The following TRPC7 variants were observed in gnomAD, a reference collection of about 807,000 sequenced individuals.
TRPC7 encodes transient receptor potential cation channel subfamily C member 7.
In TRPC7, 42 loss-of-function variants were observed where a neutral mutation model predicts 90.1. The observed-to-expected ratio is 0.47, with a 90% confidence interval of 0.36 to 0.60. TRPC7 has a LOEUF of 0.60. Among genes scored for constraint, TRPC7 ranks in the 20% least tolerant of loss-of-function variants. TRPC7 has a pLI of 0.00. For missense variants in TRPC7, 955 were observed against 1,112.3 expected (o/e 0.86, Z 2.01); for synonymous variants, 451 against 436.3 (o/e 1.03, Z -0.42).
chr5:136,338,586 G>A, intron 2 of TRPC7, among the ~76,000 whole-genome samples: 1 of 152,196 alleles, frequency 6.6e-6, no homozygotes, highest in East Asian at 1.9e-4. Context: ...CCTATACTAT[G>A]TTTGAGCCTG....
chr5:136,213,305 A>G lies in TRPC7; in HGVS notation c.*130T>C. 1.1e-6 allele frequency: 1 copy of G among 921,668 alleles called. No homozygotes were observed. Among genetic ancestry groups the G allele is most frequent in the East Asian group, 2.6e-5 (1 of 37,900 alleles). The allele number at this position is 921,668 out of a possible 1,614,324, so 57.1% of individuals were successfully genotyped here. ...GGAGATGTCAGTCATGCTGCAAGAG[A>G]CTGAGCCAGGAGATCCCCTTCGTGT... On this transcript the variant is annotated 3_prime_UTR_variant, in exon 12 of 12. Coordinates refer to ENST00000513104, the MANE Select transcript of TRPC7 (RefSeq NM_020389.3).
intron 2 of TRPC7, among the ~76,000 whole-genome samples, chr5:136,348,835 G>A (rs910997507): frequency 6.6e-6 from 1 of 152,142 alleles, no homozygotes; most frequent in Non-Finnish European, 1.5e-5. Context: ...GGTGTGTGCA[G>A]CATACTTGAT....
At chr5:136,270,054 T>C (rs1172620870) in intron 4 of TRPC7, among the ~76,000 whole-genome samples, 1 of 152,200 alleles carries the variant, frequency 6.6e-6, no homozygotes, top group Non-Finnish European at 1.5e-5. Flanking sequence ...TCTAAAAAAG[T>C]CCTACCAACT....
At chr5:136,261,341 T>C (rs767679939) in intron 5 of TRPC7, among the ~76,000 whole-genome samples, 1 of 152,180 alleles carries the variant, frequency 6.6e-6, no homozygotes, top group African/African-American at 2.4e-5. Flanking sequence ...AGTAAAAAAT[T>C]GAGAAAATAG....
At chr5:136,220,082 G>C (rs760124833) in intron 10 of TRPC7, among the ~76,000 whole-genome samples, 2 of 152,166 alleles carry the variant, frequency 1.3e-5, no homozygotes, top group Non-Finnish European at 2.9e-5. Context: ...TCTTAATCCT[G>C]TTGTCTTTGT....
intron 10 of TRPC7, 95 bp from the exon 11 acceptor site, chr5:136,216,370 C>A: frequency 1.0e-6 from 1 of 983,950 alleles, no homozygotes; most frequent in Non-Finnish European, 1.6e-6. Context: ...CTTGAAGAGC[C>A]TCAGCAACCA....
chr5:136,283,260 G>T (rs1757602008), intron 3 of TRPC7, among the ~76,000 whole-genome samples: 1 of 152,224 alleles, frequency 6.6e-6, no homozygotes, highest in Non-Finnish European at 1.5e-5. Context: ...TGGGGTGTCT[G>T]CTTTCTTTGC....
At chr5:136,300,615 T>C (rs538676024) in intron 3 of TRPC7, among the ~76,000 whole-genome samples, 2 of 152,342 alleles carry the variant, frequency 1.3e-5, no homozygotes, top group East Asian at 3.9e-4. Flanking sequence ...AGAACTGGCA[T>C]TGGGGCTTTC....
intron 3 of TRPC7, among the ~76,000 whole-genome samples, chr5:136,315,391 G>T (rs1471277113): frequency 6.6e-6 from 1 of 152,124 alleles, no homozygotes; most frequent in Non-Finnish European, 1.5e-5. Context: ...CTCTCTCCTG[G>T]TGGGCTGGGG....
chr5:136,354,529 C>A (rs1760302231), intron 2 of TRPC7, among the ~76,000 whole-genome samples: 1 of 152,202 alleles, frequency 6.6e-6, no homozygotes, highest in Non-Finnish European at 1.5e-5. Flanking sequence ...CCTACAGAGG[C>A]TTCCATGGCC....
chr5:136,217,816 A>G (rs1359982163), intron 10 of TRPC7, among the ~76,000 whole-genome samples: 1 of 152,024 alleles, frequency 6.6e-6, no homozygotes, highest in Non-Finnish European at 1.5e-5. Context: ...CAGGAGTTCA[A>G]GACCAGCCTG....
chr5:136,354,249 T>A (rs143768651), intron 2 of TRPC7, among the ~76,000 whole-genome samples: 56 of 152,236 alleles, frequency 3.7e-4, no homozygotes, highest in Non-Finnish European at 6.3e-4. Flanking sequence ...TAGGTAAGGT[T>A]TACTGTACAG....
intron 3 of TRPC7, among the ~76,000 whole-genome samples, chr5:136,287,015 C>T (rs1757740817): frequency 6.6e-6 from 1 of 152,202 alleles, no homozygotes; most frequent in Non-Finnish European, 1.5e-5. Flanking sequence ...TTGTCAGACA[C>T]ACAAATCTGT....
chr5:136,312,972 C>CTTTTTTT (rs34840823), intron 3 of TRPC7, among the ~76,000 whole-genome samples: 16 of 97,048 alleles, frequency 1.6e-4, no homozygotes, highest in African/African-American at 4.6e-4. Context: ...AGTAGTGATT[C>CTTTTTTT]TTTTTTTTTT....
intron 2 of TRPC7, among the ~76,000 whole-genome samples, chr5:136,342,131 C>A (rs375860489): frequency 1.3e-4 from 20 of 152,132 alleles, no homozygotes; most frequent in Admixed American, 3.3e-4. Flanking sequence ...TTTTCACAGG[C>A]CTTTTAAGTG....
At position 136,315,931 on chromosome 5, in the gene TRPC7, T is replaced by A. The variant is rs2149839339; in HGVS notation, c.781-152A>T. ...ATGGAACGCAGCAGGATGTGCTGGG[T>A]GCAGAAGGCGGGGCAATTTCTCTTG... On this transcript the variant is annotated intron_variant, in intron 2 of 11. Transcript: ENST00000513104. 4 of 736,454 alleles carry A rather than the reference T, an allele frequency of 5.4e-6. No individual in the cohort carries two copies. The South Asian group carries it at 7.7e-5, about 14-fold the overall frequency. 45.6% of individuals were successfully genotyped at this position (736,454 alleles called of 1,614,324 possible). A position where few individuals can be genotyped will look rare whatever the true frequency, so the allele number is the denominator to read the frequency against.
chr5:136,238,955 A>G (rs1756075277), intron 7 of TRPC7, among the ~76,000 whole-genome samples: 2 of 152,196 alleles, frequency 1.3e-5, no homozygotes, highest in Admixed American at 1.3e-4. Flanking sequence ...ACCTTATATT[A>G]GACCCAAATG....
At chr5:136,308,081 A>G (rs999809464) in intron 3 of TRPC7, among the ~76,000 whole-genome samples, 2 of 152,158 alleles carry the variant, frequency 1.3e-5, no homozygotes, top group African/African-American at 4.8e-5. Flanking sequence ...CTGCCCCACA[A>G]GTTCTATTTT....
rs117474002 is a variant in TRPC7, at chr5:136,318,092, A to G, written c.781-2313T>C. ...TGGCTAGAGGGGATAGAGAGAACCC[A>G]GGCCTGCGAGGAAGAAGATGACAGG... On this transcript the variant is annotated intron_variant, in intron 2 of 11. Transcript: ENST00000513104. Among the ~76,000 whole-genome samples the G allele has an allele frequency of 4.6e-4, 70 of 152,320 alleles. 1 individual carries two copies. The East Asian group carries it at 0.013, about 29-fold the overall frequency.
Sources: gnomAD v4.1 joint callset for allele counts (sites outside exome capture counted in the v4.1 genomes callset) on GRCh38, gnomAD v4.1.1 for gene constraint, MANE v1.5 for transcripts, NCBI Gene and HGNC (gene_info 2026-07-23, HGNC 2026-07-21) for gene names.